Variants in LRP1B observed in about 807,000 individuals in gnomAD.
LRP1B encodes the protein LDL receptor related protein 1B.
In LRP1B, 217 loss-of-function variants were observed where a neutral mutation model predicts 556.6. The ratio of observed to expected loss-of-function variants is 0.39; its 90% CI spans 0.35 to 0.44. The LOEUF (loss-of-function observed/expected upper bound fraction) is 0.44, where lower values mean the gene tolerates loss of function less well. Ranked by LOEUF, LRP1B falls within the 20% of genes least tolerant of loss-of-function variation. The pLI is 1.00. For synonymous variants in LRP1B, 2,047 were observed against 1,865.8 expected, an observed-to-expected ratio of 1.10 and a Z score of -2.50; for missense variants, 5,053 against 5,620.8, an observed-to-expected ratio of 0.90 and a Z score of 3.23.
At chr2:140,450,826 A>G (rs970917714) in intron 62 of LRP1B, among the ~76,000 whole-genome samples, 165 bp from the exon 63 acceptor site, 1 of 152,180 alleles carries the variant, frequency 6.6e-6, no homozygotes, top group African/African-American at 2.4e-5. Flanking sequence ...AAAAGCCACA[A>G]CGTGATCTTC....
intron 35 of LRP1B, among the ~76,000 whole-genome samples, chr2:140,738,669 T>C (rs1688031262): frequency 6.6e-6 from 1 of 152,168 alleles, no homozygotes; most frequent in Non-Finnish European, 1.5e-5. Context: ...TAAAATTTCC[T>C]TCCCTTTCTC....
At chr2:141,040,137 C>A (rs1020480096) in intron 11 of LRP1B, among the ~76,000 whole-genome samples, 3 of 151,970 alleles carry the variant, frequency 2.0e-5, no homozygotes, top group African/African-American at 7.2e-5. Flanking sequence ...CAAATGTACT[C>A]ATTATTTCCT....
chr2:141,908,389 G>GAC (rs1241088750), intron 1 of LRP1B, among the ~76,000 whole-genome samples: 2 of 151,864 alleles, frequency 1.3e-5, no homozygotes, highest in African/African-American at 4.8e-5. Flanking sequence ...CTCTGTTCTG[G>GAC]ACATTGAGGA....
intron 84 of LRP1B, among the ~76,000 whole-genome samples, chr2:140,286,458 G>A (rs1162244407): frequency 6.6e-6 from 1 of 151,764 alleles, no homozygotes; most frequent in Non-Finnish European, 1.5e-5. Context: ...ACACTCAGAT[G>A]CTGGATCAGT....
At chr2:142,107,515 G>GT (rs900818771) in intron 1 of LRP1B, among the ~76,000 whole-genome samples, 3 of 152,186 alleles carry the variant, frequency 2.0e-5, no homozygotes, top group Non-Finnish European at 2.9e-5. Context: ...GAAATTATCT[G>GT]TTTTTTATAA....
intron 35 of LRP1B, among the ~76,000 whole-genome samples, chr2:140,734,964 C>T (rs1687897993): frequency 6.6e-6 from 1 of 152,188 alleles, no homozygotes; most frequent in Non-Finnish European, 1.5e-5. Flanking sequence ...TTTTCTCTCA[C>T]AGGTGTATTT....
chr2:142,094,554 G>T (rs1227844050), intron 1 of LRP1B, among the ~76,000 whole-genome samples: 4 of 151,882 alleles, frequency 2.6e-5, no homozygotes, highest in African/African-American at 9.7e-5. Flanking sequence ...AAAGAAATAA[G>T]CACATCATGC....
intron 1 of LRP1B, among the ~76,000 whole-genome samples, chr2:142,015,600 A>G (rs555762583): frequency 6.6e-6 from 1 of 152,264 alleles, no homozygotes; most frequent in South Asian, 2.1e-4. Flanking sequence ...CTACAGAATG[A>G]GAGAAAATTT....
chr2:140,297,842 G>A lies in LRP1B; in HGVS notation c.12933C>T (p.Cys4311=), dbSNP rs2105000582. The change falls in exon 84 of 91, where the codon TGC becomes TGT. Residue 4311 remains cysteine (C), a synonymous_variant. Coordinates refer to ENST00000389484, the MANE Select transcript of LRP1B (RefSeq NM_018557.3). ...ATCTGTCTCCGGTGTATTCCGGCTGGCAGTGGCAGTAAGGCTGGTTTCCAG... is the reference window on the plus strand; with the variant it reads ...ATCTGTCTCCGGTGTATTCCGGCTGACAGTGGCAGTAAGGCTGGTTTCCAG... ...VTAGNQPYCH[C]QPEYTGDRCQ... 6.2e-7 allele frequency: 1 copy of A among 1,613,746 alleles called. No homozygotes were observed. The highest frequency in any genetic ancestry group is 8.5e-7 in the Non-Finnish European group (1 of 1,179,860).
chr2:140,866,739 T>C (rs1692964288), intron 27 of LRP1B, among the ~76,000 whole-genome samples: 1 of 152,076 alleles, frequency 6.6e-6, no homozygotes, highest in Admixed American at 6.6e-5. Context: ...AGGAGAGCCA[T>C]GTGATATTGT....
intron 35 of LRP1B, among the ~76,000 whole-genome samples, chr2:140,736,885 T>A (rs529715384): frequency 1.3e-5 from 2 of 152,232 alleles, no homozygotes; most frequent in South Asian, 4.1e-4. Context: ...TGTGCTTACC[T>A]GCCAGAAACC....
At chr2:141,415,700 T>A (rs1463731970) in intron 3 of LRP1B, among the ~76,000 whole-genome samples, 1 of 152,166 alleles carries the variant, frequency 6.6e-6, no homozygotes, top group Non-Finnish European at 1.5e-5. Flanking sequence ...GCCAAATAGT[T>A]GCAGATGAAA....
rs993826649 is a variant in LRP1B at position 141,354,758 on chromosome 2, GC to G, written c.344-100118del. On this transcript the variant is annotated intron_variant, in intron 3 of 90. Coordinates refer to ENST00000389484, the MANE Select transcript of LRP1B (RefSeq NM_018557.3). The stretch of plus-strand genomic sequence containing the variant: ...GAAACAGCTTCTACTCAAGTAAAGT[GC>G]AATCAACCCTGCAATTATAAAAAAA... 3.2e-4 allele frequency among the ~76,000 whole-genome samples: 49 copies of G among 151,486 alleles called. 1 individual carries two copies. The highest frequency in any genetic ancestry group is 1.1e-3 in the African/African-American group (47 of 41,190).
At chr2:142,091,570 A>G (rs1559066398) in intron 1 of LRP1B, among the ~76,000 whole-genome samples, 1 of 152,128 alleles carries the variant, frequency 6.6e-6, no homozygotes, top group Non-Finnish European at 1.5e-5. Flanking sequence ...CAAATATGCA[A>G]TTGTTAACTA....
At chr2:141,660,002 A>G (rs1224442572) in intron 2 of LRP1B, among the ~76,000 whole-genome samples, 1 of 152,088 alleles carries the variant, frequency 6.6e-6, no homozygotes, top group Non-Finnish European at 1.5e-5. Flanking sequence ...AAAGGAGAAA[A>G]TCCCATTAAG....
intron 3 of LRP1B, among the ~76,000 whole-genome samples, chr2:141,470,170 T>C (rs552541023): frequency 6.6e-6 from 1 of 152,318 alleles, no homozygotes; most frequent in South Asian, 2.1e-4. Flanking sequence ...GAAATCTCTC[T>C]TTATTTCTTC....
chr2:141,073,818 G>C (rs1200539386), intron 7 of LRP1B, among the ~76,000 whole-genome samples: 2 of 151,818 alleles, frequency 1.3e-5, no homozygotes, highest in African/African-American at 4.8e-5. Context: ...ACCACATCCT[G>C]CCAGTTACAT....
chr2:140,354,836 C>T (rs1470981500), intron 75 of LRP1B, among the ~76,000 whole-genome samples: 1 of 151,890 alleles, frequency 6.6e-6, no homozygotes, highest in Non-Finnish European at 1.5e-5. Context: ...TTACTTTTTT[C>T]CCTTTAGATA....
intron 3 of LRP1B, among the ~76,000 whole-genome samples, chr2:141,311,072 G>A (rs1277219293): frequency 6.6e-6 from 1 of 152,080 alleles, no homozygotes; most frequent in Non-Finnish European, 1.5e-5. Context: ...CCTCCAAAAA[G>A]CATTGACCTG....
Sources: gnomAD v4.1 joint callset for allele counts (sites outside exome capture counted in the v4.1 genomes callset) on GRCh38, gnomAD v4.1.1 for gene constraint, MANE v1.5 for transcripts, NCBI Gene and HGNC (gene_info 2026-07-23, HGNC 2026-07-21) for gene names.